Variants in RBFOX1 observed in about 807,000 individuals in gnomAD.
RBFOX1 encodes the protein RNA binding fox-1 homolog 1, also known as RNA binding protein fox-1 homolog 1.
RBFOX1 carries 8 observed loss-of-function variants against 57.7 expected under a neutral mutation model. The observed-to-expected ratio is 0.14, with a 90% CI of 0.08 to 0.25. RBFOX1 has a LOEUF of 0.25. RBFOX1 is among the 10% of genes least tolerant of loss of function. The probability of loss-of-function intolerance (pLI) is 1.00; values close to 1 mark genes in which losing one functional copy is unlikely to be tolerated. For missense variants in RBFOX1, 611 were observed against 548.5 expected (o/e 1.11, Z -1.14); for synonymous variants, 326 against 222.4 (o/e 1.47, Z -4.15).
chr16:6,914,011 A>G (rs920585683), intron 3 of RBFOX1, among the ~76,000 whole-genome samples: 1 of 152,210 alleles, frequency 6.6e-6, no homozygotes, highest in African/African-American at 2.4e-5. Flanking sequence ...GTTCTACTTG[A>G]CGTAGCCAGA....
intron 2 of RBFOX1, among the ~76,000 whole-genome samples, chr16:5,553,551 G>C (rs970652277): frequency 6.6e-6 from 1 of 152,066 alleles, no homozygotes; most frequent in Admixed American, 6.5e-5. Context: ...TCCTGACTTC[G>C]TGATCTGCCC....
chr16:5,458,701 A>G (rs1473083538), intron 1 of RBFOX1, among the ~76,000 whole-genome samples: 1 of 152,184 alleles, frequency 6.6e-6, no homozygotes, highest in Non-Finnish European at 1.5e-5. Flanking sequence ...AAGGAATTTT[A>G]AGTTTTGGCT....
chr16:7,494,682 A>C (rs1242665230), intron 4 of RBFOX1, among the ~76,000 whole-genome samples: 1 of 152,102 alleles, frequency 6.6e-6, no homozygotes, highest in Non-Finnish European at 1.5e-5. Flanking sequence ...CATGATACTT[A>C]CTCAAAGCCA....
chr16:7,241,501 C>A (rs1002358243), intron 4 of RBFOX1, among the ~76,000 whole-genome samples: 1 of 152,114 alleles, frequency 6.6e-6, no homozygotes, highest in Non-Finnish European at 1.5e-5. Context: ...AACAGGACAT[C>A]TTGAAAGTTA....
chr16:6,617,641 C>G (rs1423553181), intron 2 of RBFOX1, among the ~76,000 whole-genome samples: 1 of 152,106 alleles, frequency 6.6e-6, no homozygotes, highest in African/African-American at 2.4e-5. Flanking sequence ...TTCCAGGTGT[C>G]AGAGCCCATC....
chr16:6,305,688 G>T (rs888464199), intron 1 of RBFOX1, among the ~76,000 whole-genome samples: 1 of 151,544 alleles, frequency 6.6e-6, no homozygotes, highest in Non-Finnish European at 1.5e-5. Context: ...TGATCATGGG[G>T]AGAATACTGT....
rs79647866 is a variant in RBFOX1, at chr16:6,314,742, A to G, written c.-126-2253A>G. 8.3e-4 allele frequency among the ~76,000 whole-genome samples: 126 copies of G among 152,284 alleles called. 1 individual carries two copies. The East Asian group carries it at 0.018, about 22-fold the overall frequency. On this transcript the variant is annotated intron_variant, in intron 1 of 15. Coordinates refer to ENST00000550418, the MANE Select transcript of RBFOX1 (RefSeq NM_018723.4). ...AATGAGAGGATGCATGCAAATTTTGATATGAAGTTTGGGCTGTACTAGGGA... is the reference window on the plus strand; with the variant it reads ...AATGAGAGGATGCATGCAAATTTTGGTATGAAGTTTGGGCTGTACTAGGGA...
chr16:7,018,007 C>G (rs1318633579), intron 3 of RBFOX1, among the ~76,000 whole-genome samples: 1 of 152,234 alleles, frequency 6.6e-6, no homozygotes, highest in Admixed American at 6.5e-5. Flanking sequence ...TGGAATTTTA[C>G]AAAATATCAT....
intron 1 of RBFOX1, among the ~76,000 whole-genome samples, chr16:6,075,620 T>C (rs2152494792): frequency 6.6e-6 from 1 of 152,312 alleles, no homozygotes; most frequent in East Asian, 1.9e-4. Flanking sequence ...AAGACACACA[T>C]TTAATCAGGG....
chr16:7,082,826 A>G (rs933308807), intron 4 of RBFOX1, among the ~76,000 whole-genome samples: 8 of 152,142 alleles, frequency 5.3e-5, no homozygotes, highest in Admixed American at 3.3e-4. Context: ...GTTTCAGGCT[A>G]TTGCTTTGCA....
chr16:6,525,615 T>G (rs763378557), intron 2 of RBFOX1, among the ~76,000 whole-genome samples: 2 of 152,116 alleles, frequency 1.3e-5, no homozygotes, highest in South Asian at 4.2e-4. Context: ...AAATGTCACA[T>G]GAAGGCACCA....
chr16:5,352,775 C>T (rs751333484), intron 1 of RBFOX1, among the ~76,000 whole-genome samples: 2 of 151,082 alleles, frequency 1.3e-5, no homozygotes, highest in South Asian at 2.1e-4. Flanking sequence ...GAAACCTGTC[C>T]CTACAAAAAA....
At chr16:7,000,593 TTTC>T (rs1156282774) in intron 3 of RBFOX1, among the ~76,000 whole-genome samples, 1 of 85,958 alleles carries the variant, frequency 1.2e-5, no homozygotes, top group African/African-American at 4.0e-5. Flanking sequence ...TTTCTTTTTC[TTTC>T]TTTTTTTTTT....
chr16:5,281,521 G>T (rs1381470555), intron 1 of RBFOX1, among the ~76,000 whole-genome samples: 1 of 152,144 alleles, frequency 6.6e-6, no homozygotes, highest in East Asian at 1.9e-4. Flanking sequence ...CTGAGAGTAG[G>T]ATATTGAAGT....
Position 6,639,088 on chromosome 16 carries a change from G to C in RBFOX1, c.-63-15515G>C, listed in dbSNP as rs150649237. On this transcript the variant is annotated intron_variant, in intron 2 of 15. Coordinates refer to ENST00000550418, the MANE Select transcript of RBFOX1 (RefSeq NM_018723.4). Reference sequence around the variant, plus strand: ...AGCCATCGTTTCACTCAGAGCAGCAGCCATTTCTTGCAAACTGGCAGCTCA... The same window carrying C: ...AGCCATCGTTTCACTCAGAGCAGCACCCATTTCTTGCAAACTGGCAGCTCA... 2.6e-5 allele frequency among the ~76,000 whole-genome samples: 4 copies of C among 152,324 alleles called. No individual in the cohort carries two copies. The East Asian group carries it at 7.7e-4, about 29-fold the overall frequency.
At chr16:7,647,558 AAAAG>A (rs2063999435) in intron 11 of RBFOX1, among the ~76,000 whole-genome samples, 2 of 152,182 alleles carry the variant, frequency 1.3e-5, no homozygotes, top group Non-Finnish European at 2.9e-5. Flanking sequence ...AAAAAAAAAA[AAAAG>A]CAAACTTGCA....
chr16:5,345,716 C>T (rs1031227935), intron 1 of RBFOX1, among the ~76,000 whole-genome samples: 1 of 152,186 alleles, frequency 6.6e-6, no homozygotes, highest in African/African-American at 2.4e-5. Flanking sequence ...CATCTCTTTC[C>T]GATGCATGGG....
chr16:5,452,423 A>G (rs956747788), intron 1 of RBFOX1, among the ~76,000 whole-genome samples: 6 of 151,524 alleles, frequency 4.0e-5, no homozygotes, highest in African/African-American at 9.7e-5. Flanking sequence ...TCATCCCTCT[A>G]TTCTGCCTCT....
chr16:7,100,200 G>C (rs565564857), intron 4 of RBFOX1, among the ~76,000 whole-genome samples: 3 of 152,168 alleles, frequency 2.0e-5, no homozygotes, highest in Admixed American at 1.3e-4. Context: ...CGAAATTTGT[G>C]TGTTAAAGGA....
Sources: gnomAD v4.1 joint callset for allele counts (sites outside exome capture counted in the v4.1 genomes callset) on GRCh38, gnomAD v4.1.1 for gene constraint, MANE v1.5 for transcripts, NCBI Gene and HGNC (gene_info 2026-07-23, HGNC 2026-07-21) for gene names.